The following CCDC181 variants were observed in gnomAD, a reference collection of about 807,000 sequenced individuals.
CCDC181 encodes coiled-coil domain containing 181.
CCDC181 carries 35 observed loss-of-function variants against 58.7 expected under a neutral mutation model. The observed-to-expected ratio is 0.60, with a 90% CI of 0.46 to 0.79. The LOEUF (loss-of-function observed/expected upper bound fraction) is 0.79. CCDC181 is among the 30% of genes least tolerant of loss of function. The pLI is 0.00. For synonymous variants in CCDC181, 183 were observed against 197.5 expected, an observed-to-expected ratio of 0.93 and a Z score of 0.62; for missense variants, 517 against 583.9, an observed-to-expected ratio of 0.89 and a Z score of 1.18.
At chr1:169,433,171 G>A (rs1473195353) in intron 2 of CCDC181, among the ~76,000 whole-genome samples, 1 of 152,020 alleles carries the variant, frequency 6.6e-6, no homozygotes, top group East Asian at 1.9e-4. Context: ...AAAGTCAGTT[G>A]TATTTCTATA....
In CCDC181 at chr1:169,405,381, G is replaced by A. The variant is rs58856610; in HGVS notation, c.1216-7990C>T. On this transcript the variant is annotated intron_variant, in intron 4 of 5. Coordinates refer to ENST00000367806, the MANE Select transcript of CCDC181 (RefSeq NM_001300969.2). The stretch of plus-strand genomic sequence containing the variant: ...CTAAGCAAAAAGAACAAAGCTGGAG[G>A]CATCACGCTACCTGACTGCAAACTA... Among the ~76,000 whole-genome samples the A allele has an allele frequency of 4.9e-4, 75 of 152,284 alleles. No homozygotes were observed. The East Asian group carries it at 0.014, about 29-fold the overall frequency.
intron 2 of CCDC181, among the ~76,000 whole-genome samples, chr1:169,423,544 G>A (rs1656585325): frequency 6.6e-6 from 1 of 151,916 alleles, no homozygotes; most frequent in Non-Finnish European, 1.5e-5. Context: ...AGAAGAGGTT[G>A]TTATAATCAT....
intron 4 of CCDC181, among the ~76,000 whole-genome samples, chr1:169,400,227 T>G (rs138309667): frequency 6.6e-6 from 1 of 152,136 alleles, no homozygotes; most frequent in African/African-American, 2.4e-5. Context: ...GAAATAAGGG[T>G]CATGTCCTAG....
chr1:169,434,722 T>A (rs1440118687), intron 2 of CCDC181, among the ~76,000 whole-genome samples: 1 of 152,028 alleles, frequency 6.6e-6, no homozygotes, highest in East Asian at 1.9e-4. Context: ...TATTCAATAG[T>A]GAAGGACTGA....
intron 4 of CCDC181, among the ~76,000 whole-genome samples, chr1:169,405,185 A>G (rs889891802): frequency 5.3e-5 from 8 of 152,250 alleles, no homozygotes; most frequent in Non-Finnish European, 1.0e-4. Flanking sequence ...AGAACATTCC[A>G]TGTTCATAGA....
intron 2 of CCDC181, among the ~76,000 whole-genome samples, chr1:169,450,424 G>A (rs966928653): frequency 1.3e-5 from 2 of 152,044 alleles, no homozygotes; most frequent in Non-Finnish European, 2.9e-5. Flanking sequence ...TCCTAACAAT[G>A]GAGTCTTTTG....
intron 4 of CCDC181, among the ~76,000 whole-genome samples, chr1:169,398,163 C>G (rs565082928): frequency 2.0e-5 from 3 of 152,048 alleles, no homozygotes; most frequent in African/African-American, 7.2e-5. Flanking sequence ...AATGTTCAAT[C>G]GGGAGTTATA....
At chr1:169,418,695 T>A in intron 4 of CCDC181, 1 of 360,036 alleles carries the variant, frequency 2.8e-6, no homozygotes, top group Non-Finnish European at 4.9e-6. Context: ...GTGAGACCAG[T>A]CTCTAGGGTT....
chr1:169,427,044 T>G (rs1235477345), intron 1 of CCDC181, among the ~76,000 whole-genome samples: 1 of 152,056 alleles, frequency 6.6e-6, no homozygotes, highest in African/African-American at 2.4e-5. Context: ...GACAAAAATT[T>G]AGTCTAAGCT....
intron 1 of CCDC181, chr1:169,459,905 G>GAAAAAACAAAAAAAAAA (rs1553210867): frequency 1.3e-5 from 1 of 75,182 alleles, no homozygotes. Flanking sequence ...TTGAAATTAG[G>GAAAAAACAAAAAAAAAA]AAAAAAAAAA....
chr1:169,405,626 T>C (rs930046180), intron 4 of CCDC181, among the ~76,000 whole-genome samples: 7 of 152,084 alleles, frequency 4.6e-5, no homozygotes, highest in African/African-American at 9.7e-5. Context: ...GAAACTGGAT[T>C]CCTTCCTTAC....
intron 2 of CCDC181, among the ~76,000 whole-genome samples, chr1:169,434,656 T>C (rs1657007109): frequency 6.7e-6 from 1 of 149,046 alleles, no homozygotes; most frequent in South Asian, 2.1e-4. Flanking sequence ...TTTGAAGACA[T>C]TACGCTAGGT....
intron 2 of CCDC181, among the ~76,000 whole-genome samples, chr1:169,439,889 C>T (rs1657163475): frequency 6.6e-6 from 1 of 152,070 alleles, no homozygotes; most frequent in African/African-American, 2.4e-5. Flanking sequence ...CCATCCCCAG[C>T]CGAACTCCTC....
chr1:169,429,501 A>G (rs1230557334), upstream of CCDC181, among the ~76,000 whole-genome samples: 1 of 152,112 alleles, frequency 6.6e-6, no homozygotes, highest in East Asian at 1.9e-4. Flanking sequence ...CCATTCTTGC[A>G]GGAGTAAGGT....
At chr1:169,404,580 T>C (rs954316829) in intron 4 of CCDC181, among the ~76,000 whole-genome samples, 10 of 152,200 alleles carry the variant, frequency 6.6e-5, no homozygotes, top group Non-Finnish European at 8.8e-5. Context: ...TCTCAATAGA[T>C]GCAGAAAAGG....
Position 169,405,158 on chromosome 1 carries a change from G to C in CCDC181, c.1216-7767C>G, listed in dbSNP as rs535094340. Among the ~76,000 whole-genome samples the C allele has an allele frequency of 4.6e-4, 70 of 152,112 alleles. 1 individual carries two copies. Among genetic ancestry groups the C allele is most frequent in the African/African-American group, 1.6e-3 (66 of 41,478 alleles). On this transcript the variant is annotated intron_variant, in intron 4 of 5. Transcript: ENST00000367806. ...CAAACCACTGCTCAATGAAATAAGAGGACACAAACAAATGGAAGAACATTC... is the reference window on the plus strand; with the variant it reads ...CAAACCACTGCTCAATGAAATAAGACGACACAAACAAATGGAAGAACATTC...
chr1:169,457,359 A>G (rs913886419), intron 2 of CCDC181, among the ~76,000 whole-genome samples: 2 of 152,106 alleles, frequency 1.3e-5, no homozygotes, highest in Non-Finnish European at 2.9e-5. Flanking sequence ...TTCTGAGGCT[A>G]TAAGATCTTC....
chr1:169,457,064 C>T (rs1657694520), intron 2 of CCDC181, among the ~76,000 whole-genome samples: 1 of 152,118 alleles, frequency 6.6e-6, no homozygotes, highest in Non-Finnish European at 1.5e-5. Flanking sequence ...TCAGTAATTT[C>T]ATTACTGTTG....
chr1:169,451,877 T>C (rs1182766317), intron 2 of CCDC181, among the ~76,000 whole-genome samples: 1 of 152,116 alleles, frequency 6.6e-6, no homozygotes, highest in African/African-American at 2.4e-5. Context: ...GGCAGTTTAC[T>C]GAGATCCAAG....
Sources: gnomAD v4.1 joint callset for allele counts (sites outside exome capture counted in the v4.1 genomes callset) on GRCh38, gnomAD v4.1.1 for gene constraint, MANE v1.5 for transcripts, NCBI Gene and HGNC (gene_info 2026-07-23, HGNC 2026-07-21) for gene names.